Variants in TMEM132D observed in about 807,000 individuals in gnomAD.
TMEM132D encodes the protein transmembrane protein 132D.
Under a neutral mutation model 62.3 loss-of-function variants are expected in TMEM132D, and 21 were observed. The observed-to-expected ratio is 0.34, with a 90% confidence interval of 0.24 to 0.49. The LOEUF (loss-of-function observed/expected upper bound fraction) is 0.49, where lower values mean the gene tolerates loss of function less well. Ranked by LOEUF, TMEM132D falls within the 20% of genes least tolerant of loss-of-function variation. The pLI is 0.99. For missense variants in TMEM132D, 1,346 were observed against 1,402.8 expected, an observed-to-expected ratio of 0.96 and a Z score of 0.65; for synonymous variants, 621 against 575.6, an observed-to-expected ratio of 1.08 and a Z score of -1.13.
At position 129,074,856 on chromosome 12, in the gene TMEM132D, A is replaced by G. The variant is rs771533440; in HGVS notation, c.2319T>C (p.Ile773=). 6.2e-7 allele frequency: 1 copy of G among 1,613,950 alleles called. No homozygotes were observed. Among genetic ancestry groups the G allele is most frequent in the South Asian group, 1.1e-5 (1 of 91,054 alleles). The change falls in exon 9 of 9, where the codon ATT becomes ATC. Residue 773 remains isoleucine, a synonymous_variant. Coordinates refer to ENST00000422113, the MANE Select transcript of TMEM132D (RefSeq NM_133448.3). ...GCTTGGATTTCTGGCAGGATTCACT[A>G]ATAACCATTTCCACCTTGACCAGGG... is the stretch of plus-strand genomic sequence containing the variant. The part of the protein sequence containing the change: ...QGTLVKVEMV[I]SESCQKSKRK...
At chr12:129,323,311 C>G (rs1034390424) in intron 4 of TMEM132D, among the ~76,000 whole-genome samples, 2 of 152,142 alleles carry the variant, frequency 1.3e-5, no homozygotes, top group African/African-American at 4.8e-5. Context: ...ATAATATTCT[C>G]TGATGCACAC....
At chr12:129,739,092 C>G (rs1260075142) in intron 1 of TMEM132D, among the ~76,000 whole-genome samples, 1 of 152,144 alleles carries the variant, frequency 6.6e-6, no homozygotes, top group Non-Finnish European at 1.5e-5. Context: ...TGTTTTTGAG[C>G]TGGAAAAAGG....
chr12:129,076,249 A>C (rs1252412456), intron 8 of TMEM132D, among the ~76,000 whole-genome samples: 1 of 152,268 alleles, frequency 6.6e-6, no homozygotes, highest in East Asian at 1.9e-4. Flanking sequence ...TAGGAAGACA[A>C]TAATGAATTA....
At chr12:129,079,561 C>T (rs1418060066) in intron 7 of TMEM132D, among the ~76,000 whole-genome samples, 1 of 152,212 alleles carries the variant, frequency 6.6e-6, no homozygotes, top group African/African-American at 2.4e-5. Context: ...CGTATAACAA[C>T]CTTCCTTCTA....
At chr12:129,689,866 G>A (rs1226577144) in intron 2 of TMEM132D, among the ~76,000 whole-genome samples, 1 of 152,132 alleles carries the variant, frequency 6.6e-6, no homozygotes, top group Non-Finnish European at 1.5e-5. Context: ...ACAAGAAAAA[G>A]GAGGAAAAAC....
At chr12:129,463,102 A>T (rs1320466259) in intron 3 of TMEM132D, among the ~76,000 whole-genome samples, 1 of 152,216 alleles carries the variant, frequency 6.6e-6, no homozygotes, top group African/African-American at 2.4e-5. Context: ...AGTCTATCAG[A>T]TTGTTCTGGA....
chr12:129,221,236 A>G (rs559922404), intron 4 of TMEM132D, among the ~76,000 whole-genome samples: 1 of 152,290 alleles, frequency 6.6e-6, no homozygotes, highest in African/African-American at 2.4e-5. Flanking sequence ...CAGATGATGC[A>G]GTGAGGAGAT....
At chr12:129,639,158 G>A (rs929726155) in intron 2 of TMEM132D, among the ~76,000 whole-genome samples, 6 of 151,816 alleles carry the variant, frequency 4.0e-5, no homozygotes, top group Non-Finnish European at 7.4e-5. Flanking sequence ...TGAGGCGGGC[G>A]GATCACTTGA....
At chr12:129,797,936 G>A (rs185177134) in intron 1 of TMEM132D, among the ~76,000 whole-genome samples, 11 of 152,290 alleles carry the variant, frequency 7.2e-5, no homozygotes, top group African/African-American at 2.2e-4. Flanking sequence ...GGGAACTGGC[G>A]GAAGGGGACT....
intron 3 of TMEM132D, among the ~76,000 whole-genome samples, chr12:129,346,199 C>T (rs1310023646): frequency 6.6e-6 from 1 of 152,154 alleles, no homozygotes; most frequent in Non-Finnish European, 1.5e-5. Flanking sequence ...TTATCCATTT[C>T]TTCTAGATTT....
intron 2 of TMEM132D, among the ~76,000 whole-genome samples, chr12:129,574,987 A>G (rs1165099105): frequency 6.6e-6 from 1 of 151,702 alleles, no homozygotes; most frequent in Non-Finnish European, 1.5e-5. Context: ...CCAGAGCAAC[A>G]ATGCAGTCAA....
intron 2 of TMEM132D, among the ~76,000 whole-genome samples, chr12:129,573,977 C>A (rs535275066): frequency 6.6e-6 from 1 of 151,646 alleles, no homozygotes; most frequent in South Asian, 2.1e-4. Flanking sequence ...CATAGAGGAA[C>A]TCTATGGGGC....
intron 3 of TMEM132D, among the ~76,000 whole-genome samples, chr12:129,439,566 C>A (rs1285917919): frequency 1.3e-5 from 2 of 152,118 alleles, no homozygotes; most frequent in Non-Finnish European, 1.5e-5. Flanking sequence ...TCTCCTGCCT[C>A]AGCCTTCTAA....
chr12:129,292,633 G>A (rs917564981), intron 4 of TMEM132D, among the ~76,000 whole-genome samples: 1 of 152,184 alleles, frequency 6.6e-6, no homozygotes, highest in Non-Finnish European at 1.5e-5. Context: ...ATATAGATGA[G>A]TATAGACACA....
In TMEM132D at chr12:129,571,273, T is replaced by C. The variant is rs150484726; in HGVS notation, c.969-40068A>G. Among the ~76,000 whole-genome samples the C allele has an allele frequency of 1.3e-3, 199 of 152,154 alleles. 2 individuals carry two copies. The highest frequency in any genetic ancestry group is 4.5e-3 in the African/African-American group (185 of 41,514). The stretch of plus-strand genomic sequence containing the variant: ...TACTCTTTATTGTCTAAGTGTTAGT[T>C]TGAAATTTAAGGCCGGGCGTGGTGG... On this transcript the variant is annotated intron_variant, in intron 2 of 8. Coordinates refer to ENST00000422113, the MANE Select transcript of TMEM132D (RefSeq NM_133448.3).
At chr12:129,814,478 G>A (rs1471717436) in intron 1 of TMEM132D, among the ~76,000 whole-genome samples, 1 of 151,828 alleles carries the variant, frequency 6.6e-6, no homozygotes, top group Non-Finnish European at 1.5e-5. Flanking sequence ...GGGCTTGGTG[G>A]TGAGCACCTG....
chr12:129,832,476 C>A (rs1872872898), intron 1 of TMEM132D, among the ~76,000 whole-genome samples: 1 of 151,912 alleles, frequency 6.6e-6, no homozygotes, highest in African/African-American at 2.4e-5. Flanking sequence ...GCTTGCAGAC[C>A]CTGCACTAAA....
intron 3 of TMEM132D, among the ~76,000 whole-genome samples, chr12:129,513,480 G>GGTTT (rs200219250): frequency 0.013 from 2,007 of 151,888 alleles, 53 homozygotes; most frequent in African/African-American, 0.046. Context: ...AACAAAAACA[G>GGTTT]GTTTGTTTGT....
chr12:129,803,247 C>T (rs1389060448), intron 1 of TMEM132D, among the ~76,000 whole-genome samples: 4 of 147,098 alleles, frequency 2.7e-5, no homozygotes, highest in East Asian at 2.0e-4. Flanking sequence ...TTTTTTTCAG[C>T]ACCACACCAC....
Sources: allele counts gnomAD v4.1 joint callset (sites outside exome capture counted in the v4.1 genomes callset), GRCh38; gene constraint gnomAD v4.1.1; transcripts MANE v1.5; gene names NCBI Gene and HGNC (gene_info 2026-07-23, HGNC 2026-07-21).